ARB2A: variants seen among roughly 807,000 people sequenced by gnomAD.
ARB2A encodes the protein ARB2 cotranscriptional regulator A, also known as cotranscriptional regulator ARB2A.
the ARB2A span, among the ~76,000 whole-genome samples, chr5:93,874,988 A>G: frequency 6.6e-6 from 1 of 152,144 alleles, no homozygotes; most frequent in Non-Finnish European, 1.5e-5. Context: ...TACACATATT[A>G]TTATTACTTA....
the ARB2A span, chr5:93,620,919 G>A: frequency 6.4e-7 from 1 of 1,569,978 alleles, no homozygotes. Flanking sequence ...GAGTCCGCTC[G>A]ACACAAGCAG....
the ARB2A span, among the ~76,000 whole-genome samples, chr5:94,039,344 T>C: frequency 6.6e-6 from 1 of 152,148 alleles, no homozygotes; most frequent in Non-Finnish European, 1.5e-5. Context: ...CATAAAGACC[T>C]TGCTGATAAA....
chr5:93,751,376 A>G, the ARB2A span, among the ~76,000 whole-genome samples: 1 of 152,196 alleles, frequency 6.6e-6, no homozygotes, highest in Admixed American at 6.5e-5. Flanking sequence ...GACACTATGG[A>G]CAGAAATGAT....
the ARB2A span, among the ~76,000 whole-genome samples, chr5:94,108,071 A>G: frequency 2.0e-5 from 3 of 152,128 alleles, no homozygotes; most frequent in Non-Finnish European, 4.4e-5. Flanking sequence ...CTACACTGAT[A>G]TCTAACACAT....
At chr5:93,726,347 T>C in the ARB2A span, among the ~76,000 whole-genome samples, 8 of 151,982 alleles carry the variant, frequency 5.3e-5, no homozygotes, top group Non-Finnish European at 1.2e-4. Context: ...CTCATAGATA[T>C]GGGTACTGGC....
the ARB2A span, among the ~76,000 whole-genome samples, chr5:93,678,579 A>G: frequency 6.6e-6 from 1 of 152,122 alleles, no homozygotes; most frequent in African/African-American, 2.4e-5. Context: ...AACATGGTGA[A>G]ACCCCGTCTT....
At chr5:93,812,818 C>G in the ARB2A span, among the ~76,000 whole-genome samples, 1 of 152,118 alleles carries the variant, frequency 6.6e-6, no homozygotes, top group Non-Finnish European at 1.5e-5. Flanking sequence ...TTCTAATGCT[C>G]TTTAACAAGC....
the ARB2A span, among the ~76,000 whole-genome samples, chr5:93,827,274 T>G: frequency 6.6e-6 from 1 of 152,330 alleles, no homozygotes; most frequent in Admixed American, 6.5e-5. Context: ...CCTGACTTTT[T>G]AATGATCACC....
the ARB2A span, among the ~76,000 whole-genome samples, chr5:93,906,489 C>CA: frequency 1.0e-4 from 15 of 150,308 alleles, no homozygotes; most frequent in Non-Finnish European, 1.8e-4. Flanking sequence ...TTCTCTGCCT[C>CA]AAAAAAAAGT....
At chr5:93,720,766 A>C in the ARB2A span, among the ~76,000 whole-genome samples, 2 of 152,158 alleles carry the variant, frequency 1.3e-5, no homozygotes. Flanking sequence ...ATGAGACTTT[A>C]TTTCTCTTGC....
the ARB2A span, among the ~76,000 whole-genome samples, chr5:93,790,790 G>A: frequency 2.6e-5 from 4 of 152,154 alleles, no homozygotes; most frequent in Non-Finnish European, 5.9e-5. Flanking sequence ...GAGATACAGA[G>A]TATGTCCAGA....
At chr5:93,789,177 G>T in the ARB2A span, among the ~76,000 whole-genome samples, 1 of 152,178 alleles carries the variant, frequency 6.6e-6, no homozygotes, top group East Asian at 1.9e-4. Flanking sequence ...ATTATGACAT[G>T]TGTTACACAT....
At chr5:93,916,691 C>A in the ARB2A span, among the ~76,000 whole-genome samples, 1 of 152,030 alleles carries the variant, frequency 6.6e-6, no homozygotes, top group Non-Finnish European at 1.5e-5. Context: ...CTCAGAACCC[C>A]CTAAACTATG....
chr5:94,013,393 G>C, the ARB2A span, among the ~76,000 whole-genome samples: 1 of 151,956 alleles, frequency 6.6e-6, no homozygotes, highest in Admixed American at 6.6e-5. Flanking sequence ...GGCCAGGCTG[G>C]TCTTGAACCC....
chr5:94,103,779 G>C, the ARB2A span, among the ~76,000 whole-genome samples: 1 of 127,238 alleles, frequency 7.9e-6, no homozygotes, highest in Non-Finnish European at 1.6e-5. Flanking sequence ...AGCCATAAAG[G>C]AATTCTCAAC....
At chr5:93,780,289 T>C in the ARB2A span, among the ~76,000 whole-genome samples, 16 of 152,318 alleles carry the variant, frequency 1.1e-4, 1 homozygote, top group South Asian at 3.3e-3. Context: ...ACATCTGGTG[T>C]GGCTGGAGAA....
chr5:93,784,573 A>G, the ARB2A span: 5 of 1,019,200 alleles, frequency 4.9e-6, no homozygotes, highest in African/African-American at 1.6e-5. Flanking sequence ...TTAGTCAGAG[A>G]TAACAATAAT....
chr5:93,635,732 G>A, the ARB2A span, among the ~76,000 whole-genome samples: 2 of 152,208 alleles, frequency 1.3e-5, no homozygotes, highest in African/African-American at 4.8e-5. Context: ...GAGCTACTGC[G>A]TCCGGCTAGT....
chr5:93,839,085 G>A, the ARB2A span, among the ~76,000 whole-genome samples: 3 of 152,050 alleles, frequency 2.0e-5, no homozygotes, highest in African/African-American at 7.2e-5. Context: ...TGTTGAATAG[G>A]AGTGGTGAGA....
Sources: gnomAD v4.1 joint callset for allele counts (sites outside exome capture counted in the v4.1 genomes callset) on GRCh38, gnomAD v4.1.1 for gene constraint, MANE v1.5 for transcripts, NCBI Gene and HGNC (gene_info 2026-07-23, HGNC 2026-07-21) for gene names.